KLHL1: variants seen among roughly 807,000 people sequenced by gnomAD.
KLHL1 encodes the protein kelch like family member 1, also known as kelch-like protein 1.
Under a neutral mutation model 77.7 loss-of-function variants are expected in KLHL1, and 47 were observed. That is an observed-to-expected ratio of 0.60 (90% CI 0.48 to 0.77). The LOEUF is 0.77. Ranked by LOEUF, KLHL1 falls within the 30% of genes least tolerant of loss-of-function variation. The pLI, the probability that KLHL1 is intolerant of heterozygous loss-of-function variation, is 0.00. For missense variants in KLHL1, 925 were observed against 910.8 expected (o/e 1.02, Z -0.20); for synonymous variants, 360 against 325.2 (o/e 1.11, Z -1.15).
chr13:69,929,166 A>G (rs531839947), intron 4 of KLHL1, among the ~76,000 whole-genome samples: 13 of 152,170 alleles, frequency 8.5e-5, no homozygotes, highest in Admixed American at 7.2e-4. Flanking sequence ...CATTTTGGCG[A>G]TCTTAAACAA....
chr13:70,041,984 G>C (rs1390347685), intron 1 of KLHL1, among the ~76,000 whole-genome samples: 1 of 152,034 alleles, frequency 6.6e-6, no homozygotes, highest in African/African-American at 2.4e-5. Context: ...TGTTGTGTTT[G>C]GTTAAAGTAG....
chr13:69,938,970 A>G (rs1022200791), intron 4 of KLHL1, among the ~76,000 whole-genome samples: 5 of 152,002 alleles, frequency 3.3e-5, no homozygotes. Flanking sequence ...GCTTAACAAT[A>G]TTTATCTCAT....
intron 1 of KLHL1, among the ~76,000 whole-genome samples, chr13:70,070,603 T>C (rs299530): frequency 0.53 from 79,989 of 151,808 alleles, 21,372 homozygotes; most frequent in East Asian, 0.72. Flanking sequence ...CTCATAAGAA[T>C]GTTAAAGAAG....
chr13:69,759,332 GT>G (rs1451062052), intron 7 of KLHL1, among the ~76,000 whole-genome samples: 3 of 152,030 alleles, frequency 2.0e-5, no homozygotes, highest in Non-Finnish European at 4.4e-5. Context: ...AATCAAGCAG[GT>G]ATCAAAAATA....
chr13:69,898,468 A>T (rs960745349), intron 4 of KLHL1, among the ~76,000 whole-genome samples: 1 of 152,206 alleles, frequency 6.6e-6, no homozygotes, highest in Non-Finnish European at 1.5e-5. Flanking sequence ...AACACCTGGC[A>T]CTAGGATGCA....
chr13:70,008,075 C>T (rs914739174), intron 1 of KLHL1, among the ~76,000 whole-genome samples: 2 of 151,974 alleles, frequency 1.3e-5, no homozygotes, highest in Non-Finnish European at 2.9e-5. Context: ...TGGAGTATCA[C>T]AGTATACACT....
chr13:69,954,665 G>A (rs1176099599), intron 3 of KLHL1, among the ~76,000 whole-genome samples: 1 of 151,094 alleles, frequency 6.6e-6, no homozygotes, highest in Non-Finnish European at 1.5e-5. Context: ...TAAGCCCCAT[G>A]GCACAAAGCC....
At chr13:69,771,514 A>G (rs1308246231) in intron 7 of KLHL1, among the ~76,000 whole-genome samples, 1 of 152,178 alleles carries the variant, frequency 6.6e-6, no homozygotes, top group Admixed American at 6.5e-5. Flanking sequence ...AGAAGCTTCA[A>G]CTAAGGTCTC....
intron 9 of KLHL1, among the ~76,000 whole-genome samples, chr13:69,715,004 G>A (rs968601893): frequency 3.3e-5 from 5 of 152,064 alleles, no homozygotes; most frequent in African/African-American, 1.2e-4. Context: ...CATGATGCCA[G>A]AAAAATTCTG....
intron 8 of KLHL1, among the ~76,000 whole-genome samples, chr13:69,737,023 G>A (rs1873793139): frequency 6.6e-6 from 1 of 152,138 alleles, no homozygotes; most frequent in African/African-American, 2.4e-5. Context: ...TAGGTGGTTG[G>A]CGCAACCCAC....
chr13:69,711,529 C>T (rs1437106052), intron 9 of KLHL1, among the ~76,000 whole-genome samples: 1 of 151,828 alleles, frequency 6.6e-6, no homozygotes, highest in East Asian at 1.9e-4. Flanking sequence ...TAAAGAAAAC[C>T]AACATTTACC....
At chr13:70,040,230 CCTGT>C (rs1183598947) in intron 1 of KLHL1, among the ~76,000 whole-genome samples, 1 of 152,098 alleles carries the variant, frequency 6.6e-6, no homozygotes, top group African/African-American at 2.4e-5. Context: ...TACTTTCTCT[CCTGT>C]CTTTCTTCCT....
At chr13:70,088,938 T>G (rs1320771319) in intron 1 of KLHL1, among the ~76,000 whole-genome samples, 4 of 152,188 alleles carry the variant, frequency 2.6e-5, no homozygotes, top group Non-Finnish European at 4.4e-5. Flanking sequence ...CATATGTAGT[T>G]TGGCTCTTAT....
At chr13:70,025,504 A>G (rs1487073808) in intron 1 of KLHL1, among the ~76,000 whole-genome samples, 3 of 152,006 alleles carry the variant, frequency 2.0e-5, no homozygotes, top group Non-Finnish European at 4.4e-5. Context: ...TGCATGAAAT[A>G]TCTAACTTGT....
intron 6 of KLHL1, among the ~76,000 whole-genome samples, chr13:69,830,044 G>A (rs530207740): frequency 0.028 from 4,020 of 145,942 alleles, 447 homozygotes; most frequent in African/African-American, 0.099. Flanking sequence ...AATACAGTGG[G>A]AAAAAAAAAG....
chr13:69,858,748 T>A (rs1050593741), intron 5 of KLHL1, among the ~76,000 whole-genome samples: 1 of 152,068 alleles, frequency 6.6e-6, no homozygotes, highest in Non-Finnish European at 1.5e-5. Flanking sequence ...TGATATGTGA[T>A]AAACACTTTC....
intron 5 of KLHL1, among the ~76,000 whole-genome samples, chr13:69,869,897 T>A (rs539251608): frequency 1.3e-5 from 2 of 152,186 alleles, no homozygotes; most frequent in African/African-American, 4.8e-5. Flanking sequence ...TTGTGAGTAA[T>A]GATTATTACA....
chr13:69,701,432 A>G lies in KLHL1; in HGVS notation c.*270T>C. On this transcript the variant is annotated 3_prime_UTR_variant, in exon 11 of 11. Coordinates refer to ENST00000377844, the MANE Select transcript of KLHL1 (RefSeq NM_020866.3). The stretch of plus-strand genomic sequence containing the variant: ...GAAAAAACAAGCCTTTGGTAACTCT[A>G]GTTATTGTATGCTATAATACAAAAC... 6.5e-6 allele frequency: 2 copies of G among 307,534 alleles called. No homozygotes were observed. Among genetic ancestry groups the G allele is most frequent in the Non-Finnish European group, 1.2e-5 (2 of 167,208 alleles). 19.1% of individuals were successfully genotyped at this position (307,534 alleles called of 1,614,324 possible).
At chr13:69,820,064 G>A (rs1878272597) in intron 6 of KLHL1, among the ~76,000 whole-genome samples, 1 of 152,112 alleles carries the variant, frequency 6.6e-6, no homozygotes, top group Admixed American at 6.5e-5. Flanking sequence ...ATCAAAAGAG[G>A]GCTGCTCCTT....
Sources: allele counts gnomAD v4.1 joint callset (sites outside exome capture counted in the v4.1 genomes callset), GRCh38; gene constraint gnomAD v4.1.1; transcripts MANE v1.5; gene names NCBI Gene and HGNC (gene_info 2026-07-23, HGNC 2026-07-21).